The following ZNF804B variants were observed in gnomAD, a reference collection of about 807,000 sequenced individuals.
ZNF804B encodes zinc finger protein 804B.
In ZNF804B, 80 loss-of-function variants were observed where a neutral mutation model predicts 101.4. The ratio of observed to expected loss-of-function variants is 0.79; its 90% CI spans 0.66 to 0.95. ZNF804B has a LOEUF of 0.95. ZNF804B is among the 40% of genes least tolerant of loss of function. The pLI is 0.00. For synonymous variants in ZNF804B, 622 were observed against 558.8 expected (o/e 1.11, Z -1.59); for missense variants, 1,673 against 1,561.9 (o/e 1.07, Z -1.20).
At chr7:89,305,087 T>C (rs1790539951) in intron 2 of ZNF804B, among the ~76,000 whole-genome samples, 1 of 152,024 alleles carries the variant, frequency 6.6e-6, no homozygotes, top group Admixed American at 6.6e-5. Flanking sequence ...GTAATGAGAA[T>C]GATTCTAACA....
Position 89,335,025 on chromosome 7 carries a change from C to A in ZNF804B, c.2043C>A (p.His681Gln), listed in dbSNP as rs955066223. 1 of 1,613,842 alleles carries A rather than the reference C, an allele frequency of 6.2e-7. No homozygotes were observed. ...KDFSVILKSN[H>Q]ISMTSKVSGC... ...TCAGTGTAATTTTGAAGAGTAACCA[C>A]ATCAGCATGACCAGCAAGGTTTCCG... The change falls in exon 4 of 4, where the codon CAC becomes CAA. Residue 681 changes from histidine to glutamine, a missense_variant. Physicochemically the swap from His to Gln is conservative, Grantham distance 24. Transcript: ENST00000333190.
intron 1 of ZNF804B, among the ~76,000 whole-genome samples, chr7:89,055,554 G>T (rs963128895): frequency 6.6e-6 from 1 of 152,022 alleles, no homozygotes; most frequent in African/African-American, 2.4e-5. Context: ...TCACAACAAG[G>T]TTGGATCTTA....
intron 2 of ZNF804B, among the ~76,000 whole-genome samples, chr7:89,230,525 C>T (rs1789175230): frequency 6.6e-6 from 1 of 152,022 alleles, no homozygotes; most frequent in Non-Finnish European, 1.5e-5. Context: ...TACTATAAAA[C>T]TAAGTATGTA....
At chr7:88,845,484 A>T (rs1264166278) in intron 1 of ZNF804B, among the ~76,000 whole-genome samples, 1 of 152,102 alleles carries the variant, frequency 6.6e-6, no homozygotes, top group Non-Finnish European at 1.5e-5. Context: ...GTAACCATGT[A>T]TGCTTTGCTA....
At chr7:88,880,052 A>T (rs1792010177) in intron 1 of ZNF804B, among the ~76,000 whole-genome samples, 1 of 150,600 alleles carries the variant, frequency 6.6e-6, no homozygotes, top group African/African-American at 2.5e-5. Context: ...TTAAAAAAGA[A>T]AAAAAAAAAC....
At chr7:89,265,278 GT>G (rs1789770700) in intron 2 of ZNF804B, among the ~76,000 whole-genome samples, 1 of 96,996 alleles carries the variant, frequency 1.0e-5, no homozygotes, top group South Asian at 3.8e-4. Flanking sequence ...GTGTGTGTGT[GT>G]GTGTGTGTGT....
rs1171913711 is a variant in ZNF804B at position 88,877,006 on chromosome 7, A to AAAAAATATATATAT, written c.108+116924_108+116925insAAATATATATATAA. On this transcript the variant is annotated intron_variant, in intron 1 of 3. Coordinates refer to ENST00000333190, the MANE Select transcript of ZNF804B (RefSeq NM_181646.5). Reference sequence around the variant, plus strand: ...TTATACAGAGAATATTTGAAAAAAAAAATATATATATATATATATAATATA... The same window carrying AAAAAATATATATAT: ...TTATACAGAGAATATTTGAAAAAAAAAAAAATATATATATAATATATATATATATATATAATATA... Among the ~76,000 whole-genome samples the AAAAAATATATATAT allele has an allele frequency of 1.1e-3, 90 of 84,246 alleles. 5 individuals carry two copies. The highest frequency in any genetic ancestry group is 4.9e-3 in the East Asian group (13 of 2,672). 55.3% of individuals were successfully genotyped at this position (84,246 alleles called of 152,430 possible).
chr7:89,021,469 G>A (rs1312445027), intron 1 of ZNF804B, among the ~76,000 whole-genome samples: 1 of 152,148 alleles, frequency 6.6e-6, no homozygotes, highest in Admixed American at 6.5e-5. Flanking sequence ...TGTTTCTCAA[G>A]CCCTAGATAT....
At chr7:88,832,596 G>A (rs1791148669) in intron 1 of ZNF804B, among the ~76,000 whole-genome samples, 1 of 150,084 alleles carries the variant, frequency 6.7e-6, no homozygotes, top group Admixed American at 6.6e-5. Context: ...AATAGTCTTG[G>A]TCCTGCAAAA....
At chr7:89,139,500 C>T (rs942440658) in intron 1 of ZNF804B, among the ~76,000 whole-genome samples, 6 of 152,048 alleles carry the variant, frequency 3.9e-5, no homozygotes, top group Non-Finnish European at 7.4e-5. Flanking sequence ...TGGAATCAAC[C>T]CTTTCAAAAC....
chr7:88,985,217 A>G (rs1468049665), intron 1 of ZNF804B, among the ~76,000 whole-genome samples: 2 of 151,452 alleles, frequency 1.3e-5, no homozygotes, highest in Non-Finnish European at 2.9e-5. Flanking sequence ...TTAAATTAAC[A>G]TGAGAGACCA....
At chr7:88,965,414 G>T (rs1020877719) in intron 1 of ZNF804B, among the ~76,000 whole-genome samples, 1 of 151,394 alleles carries the variant, frequency 6.6e-6, no homozygotes, top group Non-Finnish European at 1.5e-5. Context: ...TGGATATAGG[G>T]CTAGGAGCTA....
At chr7:89,296,555 A>C (rs1475475544) in intron 2 of ZNF804B, among the ~76,000 whole-genome samples, 2 of 152,060 alleles carry the variant, frequency 1.3e-5, no homozygotes, top group Non-Finnish European at 2.9e-5. Flanking sequence ...TTTTTCTACA[A>C]GGCTCATTAC....
intron 2 of ZNF804B, among the ~76,000 whole-genome samples, chr7:89,284,432 A>C (rs1406325168): frequency 6.6e-6 from 1 of 152,228 alleles, no homozygotes; most frequent in Non-Finnish European, 1.5e-5. Context: ...TCATGATATT[A>C]TAGGAAAAAT....
intron 1 of ZNF804B, among the ~76,000 whole-genome samples, chr7:89,014,280 T>C (rs901724203): frequency 1.3e-5 from 2 of 152,126 alleles, no homozygotes; most frequent in Non-Finnish European, 2.9e-5. Context: ...GTGATTTTGA[T>C]TTACGTTTCC....
chr7:89,115,926 AC>A lies in ZNF804B; in HGVS notation c.109-102228del, dbSNP rs1305734678. ...TTTGTTTTTTTTTTTCTTTTTTTTG[AC>A]AAGAGTCTCACTCCAGTTGCCCAGA... is the stretch of plus-strand genomic sequence containing the variant. On this transcript the variant is annotated intron_variant, in intron 1 of 3. Coordinates refer to ENST00000333190, the MANE Select transcript of ZNF804B (RefSeq NM_181646.5). Among the ~76,000 whole-genome samples, 46 of 139,138 alleles carry A rather than the reference AC, an allele frequency of 3.3e-4. 2 individuals are homozygous for A. In the East Asian group the frequency reaches 9.9e-3, roughly 30 times the overall value. The allele number at this position is 139,138 out of a possible 152,430, so 91.3% of individuals were successfully genotyped here.
intron 2 of ZNF804B, among the ~76,000 whole-genome samples, chr7:89,235,723 G>A (rs993190410): frequency 6.6e-6 from 1 of 151,562 alleles, no homozygotes; most frequent in Non-Finnish European, 1.5e-5. Flanking sequence ...TGCCTTCTGT[G>A]GGCAAAACCT....
In ZNF804B at chr7:88,950,540, T is replaced by C. The variant is rs182995310; in HGVS notation, c.108+190456T>C. Among the ~76,000 whole-genome samples, 243 of 152,024 alleles carry C rather than the reference T, an allele frequency of 1.6e-3. 1 individual carries two copies. The South Asian group carries it at 0.021, about 13-fold the overall frequency. ...ATAGACTGTACCTCTGTAGAACATA[T>C]AAGACTTAATGCCCATTTTCTTCTA... is the stretch of plus-strand genomic sequence containing the variant. On this transcript the variant is annotated intron_variant, in intron 1 of 3. Transcript: ENST00000333190.
chr7:89,251,593 A>C (rs1296113162), intron 2 of ZNF804B, among the ~76,000 whole-genome samples: 1 of 152,192 alleles, frequency 6.6e-6, no homozygotes, highest in East Asian at 1.9e-4. Context: ...CTAGAAAAAA[A>C]CTATTCTAAA....
Sources: allele counts gnomAD v4.1 joint callset (sites outside exome capture counted in the v4.1 genomes callset), GRCh38; gene constraint gnomAD v4.1.1; transcripts MANE v1.5; gene names NCBI Gene and HGNC (gene_info 2026-07-23, HGNC 2026-07-21).